Variants in CREB3L4 observed in about 807,000 individuals in gnomAD.
CREB3L4 encodes the protein cAMP responsive element binding protein 3 like 4, also known as cyclic AMP-responsive element-binding protein 3-like protein 4.
A neutral mutation model predicts 37.0 loss-of-function variants in CREB3L4; 28 were observed. That is an observed-to-expected ratio of 0.76 (90% CI 0.56 to 1.04). CREB3L4 has a LOEUF of 1.04. Among genes scored for constraint, CREB3L4 ranks in the 50% least tolerant of loss-of-function variants. CREB3L4 has a pLI of 0.00. For missense variants in CREB3L4, 462 were observed against 486.0 expected (o/e 0.95, Z 0.46); for synonymous variants, 175 against 192.2 (o/e 0.91, Z 0.74).
chr1:153,968,414 G>C, intron 1 of CREB3L4, 108 bp from the exon 2 acceptor site: 1 of 933,864 alleles, frequency 1.1e-6, no homozygotes. Flanking sequence ...AAGGAGTGGG[G>C]GGGCGGGGAT....
Position 153,974,137 on chromosome 1 carries a change from A to C in CREB3L4, c.*72A>C, listed in dbSNP as rs964360461. 6.9e-7 allele frequency: 1 copy of C among 1,449,258 alleles called. No homozygotes were observed. The allele number at this position is 1,449,258 out of a possible 1,614,324, so 89.8% of individuals were successfully genotyped here. A position where few individuals can be genotyped will look rare whatever the true frequency, so the allele number is the denominator to read the frequency against. On this transcript the variant is annotated 3_prime_UTR_variant, in exon 10 of 10. Transcript: ENST00000368607. The stretch of plus-strand genomic sequence containing the variant: ...GGGCTTCCTTATGGCTTTGCTTCCC[A>C]CTGGGATTCCTACTTAGGTGTCTGC...
At chr1:153,970,149 G>A (rs996604329) in intron 4 of CREB3L4, among the ~76,000 whole-genome samples, 3 of 151,654 alleles carry the variant, frequency 2.0e-5, no homozygotes, top group Non-Finnish European at 4.4e-5. Context: ...GGCTGGTCTT[G>A]AACTCCTGAC....
chr1:153,973,589 C>T (rs201947451), intron 8 of CREB3L4, 31 bp from the exon 9 acceptor site: 3 of 1,594,652 alleles, frequency 1.9e-6, no homozygotes, highest in East Asian at 2.2e-5. Context: ...ACCCCCTGCT[C>T]CCTTCATCTG....
chr1:153,969,528 A>G, intron 4 of CREB3L4, 73 bp downstream of exon 4: 1 of 1,549,094 alleles, frequency 6.5e-7, no homozygotes. Flanking sequence ...CAAAGGGATG[A>G]GGGAATGGAA....
In CREB3L4 at chr1:153,973,621, T is replaced by C; in HGVS notation, c.899T>C (p.Ile300Thr). The C allele has an allele frequency of 7.4e-6, 12 of 1,610,836 alleles. No homozygotes were observed. The South Asian group carries it at 9.9e-5, about 13-fold the overall frequency. Residue 300 changes from isoleucine to threonine, a missense_variant and splice_region_variant, in exon 9 of 10, where the codon ATT becomes ACT. Physicochemically the swap from Ile to Thr is moderately conservative, Grantham distance 89. Transcript: ENST00000368607. The stretch of plus-strand genomic sequence containing the variant: ...TCTGTTCCTCTTGCTTCCTCCCAGA[T>C]TCTTCTTTTTTCCCTGGCTCTCATC... ...KAAQTSTCVL[I>T]LLFSLALIIL...
intron 2 of CREB3L4, 24 bp from the exon 3 acceptor site, chr1:153,968,906 A>T: frequency 6.3e-7 from 1 of 1,581,342 alleles, no homozygotes. Flanking sequence ...CCCTGCACAT[A>T]TATATAACCT....
In CREB3L4 at chr1:153,971,581, CTTTTTCT is replaced by C. The variant is rs1447633510; in HGVS notation, c.544-1157_544-1151del. Among the ~76,000 whole-genome samples, 139 of 113,670 alleles carry C rather than the reference CTTTTTCT, an allele frequency of 1.2e-3. No homozygotes were observed. In the East Asian group the frequency reaches 0.015, roughly 13 times the overall value. 74.6% of individuals were successfully genotyped at this position (113,670 alleles called of 152,430 possible). A position where few individuals can be genotyped will look rare whatever the true frequency, so the allele number is the denominator to read the frequency against. On this transcript the variant is annotated intron_variant, in intron 4 of 9. Transcript: ENST00000368607. ...ACCTTGGCCACTCTGTTTTCTTTTTCTTTTTCTTTTTTTTTTTTTTTTTTTGTTGTTT... is the reference window on the plus strand; with the variant it reads ...ACCTTGGCCACTCTGTTTTCTTTTTCTTTTTTTTTTTTTTTTTTGTTGTTT...
Position 153,973,899 on chromosome 1 carries a change from A to G in CREB3L4, c.1022A>G (p.Lys341Arg). 1 of 1,614,144 alleles carries G rather than the reference A, an allele frequency of 6.2e-7. No individual in the cohort carries two copies. The highest frequency in any genetic ancestry group is 8.5e-7 in the Non-Finnish European group (1 of 1,180,004). ...GVTSRNILTH[K>R]DVTENLETQV... is the part of the protein sequence containing the mutation. Reference sequence around the variant, plus strand: ...ACTTCCAGAAATATCCTGACCCACAAGGACGTAACAGAAAATCTGGAGACC... The same window carrying G: ...ACTTCCAGAAATATCCTGACCCACAGGGACGTAACAGAAAATCTGGAGACC... The change falls in exon 10 of 10, where the codon AAG (lysine) becomes AGG (arginine). Residue 341 changes from lysine to arginine, a missense_variant. By Grantham distance (26) the Lys-to-Arg change is conservative. Transcript: ENST00000368607.
intron 1 of CREB3L4, 109 bp from the exon 2 acceptor site, chr1:153,968,413 G>A: frequency 1.1e-6 from 1 of 925,372 alleles, no homozygotes; most frequent in Non-Finnish European, 1.6e-6. Context: ...GAAGGAGTGG[G>A]GGGGCGGGGA....
intron 1 of CREB3L4, 85 bp downstream of exon 1, chr1:153,968,249 T>A: frequency 3.8e-6 from 1 of 266,342 alleles, no homozygotes; most frequent in Non-Finnish European, 7.1e-6. Context: ...AAAGAAAAGG[T>A]GTAGTGTTTG....
Position 153,969,013 on chromosome 1 carries a change from C to T in CREB3L4, c.258C>T (p.Gly86=). 1.2e-6 allele frequency: 2 copies of T among 1,614,206 alleles called. No homozygotes were observed. Among genetic ancestry groups the T allele is most frequent in the South Asian group, 2.2e-5 (2 of 91,086 alleles). The change falls in exon 3 of 10, where the codon GGC becomes GGT. Residue 86 remains glycine (G), a synonymous_variant. Transcript: ENST00000368607. ...TGTACTGCTCAGAAGCATCTCCTGG[C>T]AGTGACAGTGGCATCTCTGAGGACC... ...NEVYCSEASP[G]SDSGISEDPC...
intron 4 of CREB3L4, 93 bp downstream of exon 4, chr1:153,969,548 G>T (rs1351914449): frequency 6.8e-7 from 1 of 1,466,952 alleles, no homozygotes; most frequent in Non-Finnish European, 9.4e-7. Flanking sequence ...AACTGATGAT[G>T]AACTGCCTTT....
chr1:153,973,009 T>G lies in CREB3L4; in HGVS notation c.674T>G (p.Ile225Ser), dbSNP rs935443724. Reference protein sequence around the residue: ...ERVLKKVRRKIRNKQSAQDSR... With the variant: ...ERVLKKVRRKSRNKQSAQDSR... ...GTCCTCAAGAAGGTCAGGAGGAAAA[T>G]CCGTAACAAGCAGTCAGCTCAGGAC... Residue 225 changes from isoleucine (I) to serine (S), a missense_variant, in exon 6 of 10, where the codon ATC becomes AGC. Coordinates refer to ENST00000368607, the MANE Select transcript of CREB3L4 (RefSeq NM_001255978.2). 9.3e-6 allele frequency: 15 copies of G among 1,613,624 alleles called. No homozygotes were observed. Among genetic ancestry groups the G allele is most frequent in the African/African-American group, 1.3e-5 (1 of 74,738 alleles).
chr1:153,972,350 T>C (rs1246737238), intron 4 of CREB3L4, among the ~76,000 whole-genome samples: 1 of 152,178 alleles, frequency 6.6e-6, no homozygotes, highest in Non-Finnish European at 1.5e-5. Context: ...CTCTGCTAAA[T>C]GGAAGTTAAT....
At chr1:153,970,764 T>TC (rs1553212614) in intron 4 of CREB3L4, among the ~76,000 whole-genome samples, 1 of 146,318 alleles carries the variant, frequency 6.8e-6, no homozygotes, top group African/African-American at 2.5e-5. Flanking sequence ...TTTTTTTTTT[T>TC]AGACAGAGTC....
At position 153,968,682 on chromosome 1, in the gene CREB3L4, G is replaced by T; in HGVS notation, c.157G>T (p.Gly53Cys). Reference sequence around the variant, plus strand: ...ACAGGGACTGCAAGGCTGGAAGTCCGGTGGGGACCGTGGCTGTGTGAGTGT... The same window carrying T: ...ACAGGGACTGCAAGGCTGGAAGTCCTGTGGGGACCGTGGCTGTGTGAGTGT... ...QEQGLQGWKSGGDRGCGLQES... is the reference protein window; with the variant it reads ...QEQGLQGWKSCGDRGCGLQES... The change falls in exon 2 of 10, where the codon GGT (glycine) becomes TGT (cysteine). Residue 53 changes from glycine to cysteine, a missense_variant. Gly to Cys is a radical substitution (Grantham distance 159). Transcript: ENST00000368607. The T allele has an allele frequency of 6.2e-7, 1 of 1,613,998 alleles. No homozygotes were observed. Among genetic ancestry groups the T allele is most frequent in the Non-Finnish European group, 8.5e-7 (1 of 1,180,016 alleles).
chr1:153,971,587 C>CTTTTTTTTTTTTT (rs55930906), intron 4 of CREB3L4, among the ~76,000 whole-genome samples: 116 of 107,462 alleles, frequency 1.1e-3, no homozygotes, highest in East Asian at 2.9e-3. Context: ...TTTTCTTTTT[C>CTTTTTTTTTTTTT]TTTTTTTTTT....
At position 153,968,536 on chromosome 1, in the gene CREB3L4, G is replaced by A. The variant is rs758064207; in HGVS notation, c.11G>A (p.Gly4Glu). The change falls in exon 2 of 10, where the codon GGA (glycine) becomes GAA (glutamate). Residue 4 changes from glycine to glutamate, a missense_variant. Gly to Glu is a moderately conservative substitution (Grantham distance 98). Coordinates refer to ENST00000368607, the MANE Select transcript of CREB3L4 (RefSeq NM_001255978.2). ...CCTTCCTGCAGAAGCATGGATCTCG[G>A]AATCCCTGACCTGCTGGACGCGTGG... is the stretch of plus-strand genomic sequence containing the variant. Reference protein sequence around the residue: MDLGIPDLLDAWLE... With the variant: MDLEIPDLLDAWLE... The A allele has an allele frequency of 4.4e-5, 71 of 1,613,184 alleles. No individual in the cohort carries two copies. The Admixed American group carries it at 1.2e-3, about 27-fold the overall frequency.
At position 153,973,050 on chromosome 1, in the gene CREB3L4, AAGG is replaced by A. The variant is rs771050350; in HGVS notation, c.718_720del (p.Glu240del). On this transcript the variant is annotated inframe_deletion, in exon 6 of 10. Transcript: ENST00000368607. ...AGCTCAGGACAGTCGGCGGCGGAAGAAGGAGTACATTGATGGGCTGGAGAGCAG... is the reference window on the plus strand; with the variant it reads ...AGCTCAGGACAGTCGGCGGCGGAAGAAGTACATTGATGGGCTGGAGAGCAG... 11 of 1,614,136 alleles carry A rather than the reference AAGG, an allele frequency of 6.8e-6. No homozygotes were observed. Among genetic ancestry groups the A allele is most frequent in the African/African-American group, 1.3e-5 (1 of 75,012 alleles).
Sources: allele counts gnomAD v4.1 joint callset (sites outside exome capture counted in the v4.1 genomes callset), GRCh38; gene constraint gnomAD v4.1.1; transcripts MANE v1.5; gene names NCBI Gene and HGNC (gene_info 2026-07-23, HGNC 2026-07-21).